The following CHRM2 variants were observed in gnomAD, a reference collection of about 807,000 sequenced individuals.
CHRM2 encodes the protein cholinergic receptor muscarinic 2, also known as muscarinic acetylcholine receptor M2.
In CHRM2, 8 loss-of-function variants were observed where a neutral mutation model predicts 25.0. The observed-to-expected ratio is 0.32, with a 90% CI of 0.19 to 0.58. The LOEUF is 0.58. CHRM2 is among the 20% of genes least tolerant of loss of function. The probability of loss-of-function intolerance (pLI) is 0.88; values close to 1 mark genes in which losing one functional copy is unlikely to be tolerated. For missense variants in CHRM2, 440 were observed against 567.1 expected, an observed-to-expected ratio of 0.78 and a Z score of 2.28; for synonymous variants, 202 against 205.7, an observed-to-expected ratio of 0.98 and a Z score of 0.15.
chr7:136,969,877 T>C (rs1267149295), intron 2 of CHRM2, among the ~76,000 whole-genome samples: 1 of 152,156 alleles, frequency 6.6e-6, no homozygotes, highest in Non-Finnish European at 1.5e-5. Flanking sequence ...ATAGACTGGG[T>C]GGTTTCAATA....
chr7:137,018,272 C>G lies in CHRM2; in HGVS notation c.*2006C>G, dbSNP rs1286149067. 1.3e-5 allele frequency: 2 copies of G among 151,730 alleles called. No individual in the cohort carries two copies. The highest frequency in any genetic ancestry group is 4.8e-5 in the African/African-American group (2 of 41,368). The allele number at this position is 151,730 out of a possible 1,614,324, so 9.4% of individuals were successfully genotyped here. A position where few individuals can be genotyped will look rare whatever the true frequency, so the allele number is the denominator to read the frequency against. ...CCAGCAGTATTTATATTTGACTTATCCTTCGTAAAAACAATTTCCTGTTTA... is the reference window on the plus strand; with the variant it reads ...CCAGCAGTATTTATATTTGACTTATGCTTCGTAAAAACAATTTCCTGTTTA... On this transcript the variant is annotated 3_prime_UTR_variant, in exon 4 of 4. Transcript: ENST00000680005.
At chr7:136,900,192 C>G (rs896125056) in intron 2 of CHRM2, among the ~76,000 whole-genome samples, 3 of 152,068 alleles carry the variant, frequency 2.0e-5, no homozygotes, top group Non-Finnish European at 2.9e-5. Flanking sequence ...GCAGGTGATA[C>G]ATTCCCCAAC....
chr7:136,981,367 AT>A (rs1802476823), intron 2 of CHRM2, among the ~76,000 whole-genome samples: 1 of 152,048 alleles, frequency 6.6e-6, no homozygotes, highest in Non-Finnish European at 1.5e-5. Context: ...CAGTTTATCT[AT>A]TTTGTTAATC....
chr7:137,005,139 T>G (rs1804336551), intron 3 of CHRM2, among the ~76,000 whole-genome samples: 1 of 152,108 alleles, frequency 6.6e-6, no homozygotes, highest in Non-Finnish European at 1.5e-5. Flanking sequence ...CATTCTAGGA[T>G]GGCTACTAGA....
At chr7:136,937,476 T>C (rs1158582338) in intron 2 of CHRM2, among the ~76,000 whole-genome samples, 1 of 132,498 alleles carries the variant, frequency 7.5e-6, no homozygotes, top group South Asian at 2.2e-4. Context: ...CATTCAACAC[T>C]TGATCGCCCT....
intron 2 of CHRM2, among the ~76,000 whole-genome samples, chr7:136,945,986 G>C (rs1419687291): frequency 6.6e-6 from 1 of 152,098 alleles, no homozygotes; most frequent in East Asian, 1.9e-4. Context: ...AAAAATAGCA[G>C]TATGTTGAAA....
chr7:136,948,824 G>C (rs149575653), intron 2 of CHRM2, among the ~76,000 whole-genome samples: 2 of 152,274 alleles, frequency 1.3e-5, no homozygotes, highest in East Asian at 1.9e-4. Flanking sequence ...CTGGTGAACA[G>C]AGAGTGAGGC....
At chr7:136,892,732 C>A (rs953455083) in intron 2 of CHRM2, among the ~76,000 whole-genome samples, 1 of 150,202 alleles carries the variant, frequency 6.7e-6, no homozygotes, top group Non-Finnish European at 1.5e-5. Flanking sequence ...TGCAGTGGCA[C>A]AATCACAGCT....
chr7:137,012,913 A>G (rs1300218038), intron 3 of CHRM2, among the ~76,000 whole-genome samples: 1 of 151,986 alleles, frequency 6.6e-6, no homozygotes, highest in East Asian at 1.9e-4. Flanking sequence ...AGTCCCACCA[A>G]AAGTATTCAA....
intron 2 of CHRM2, among the ~76,000 whole-genome samples, chr7:136,911,389 T>C (rs1797834703): frequency 6.6e-6 from 1 of 151,930 alleles, no homozygotes; most frequent in Non-Finnish European, 1.5e-5. Flanking sequence ...ATAAATTAAA[T>C]GCCATTATGT....
chr7:136,919,461 G>A (rs1405414528), intron 2 of CHRM2, among the ~76,000 whole-genome samples: 1 of 151,994 alleles, frequency 6.6e-6, no homozygotes, highest in Non-Finnish European at 1.5e-5. Context: ...TAGTTATAAG[G>A]AAGCGAATAT....
At chr7:136,952,910 G>A (rs527682127) in intron 2 of CHRM2, among the ~76,000 whole-genome samples, 9 of 152,132 alleles carry the variant, frequency 5.9e-5, no homozygotes, top group Admixed American at 2.6e-4. Flanking sequence ...ACATGATCTC[G>A]TTCTTTTTTA....
intron 2 of CHRM2, among the ~76,000 whole-genome samples, chr7:136,959,457 A>G (rs1368742870): frequency 6.6e-6 from 1 of 152,224 alleles, no homozygotes; most frequent in Non-Finnish European, 1.5e-5. Flanking sequence ...GCTCCATAAG[A>G]GTGTAAATGT....
intron 2 of CHRM2, among the ~76,000 whole-genome samples, chr7:136,928,716 A>C: frequency 6.6e-6 from 1 of 152,326 alleles, no homozygotes; most frequent in Non-Finnish European, 1.5e-5. Flanking sequence ...GCAGTGCTGC[A>C]TACTGGAAAG....
intron 3 of CHRM2, among the ~76,000 whole-genome samples, chr7:137,004,030 T>A (rs2131079427): frequency 6.6e-6 from 1 of 152,076 alleles, no homozygotes; most frequent in East Asian, 1.9e-4. Flanking sequence ...CTCATTCCTT[T>A]ATAAGTTACA....
At chr7:136,993,109 T>C (rs545545885) in intron 3 of CHRM2, among the ~76,000 whole-genome samples, 120 of 152,358 alleles carry the variant, frequency 7.9e-4, no homozygotes, top group Non-Finnish European at 1.4e-3. Flanking sequence ...ACAGTCATGA[T>C]AGATACTGAT....
chr7:136,874,328 T>C (rs781522137), intron 2 of CHRM2, among the ~76,000 whole-genome samples: 28 of 152,208 alleles, frequency 1.8e-4, no homozygotes, highest in Non-Finnish European at 3.8e-4. Context: ...ACTCTTTATA[T>C]ATCTTTGTCT....
At chr7:136,914,221 C>T (rs917189083) in intron 2 of CHRM2, 4 of 151,932 alleles carry the variant, frequency 2.6e-5, no homozygotes, top group African/African-American at 9.7e-5. Flanking sequence ...TACGCAATCA[C>T]TGAAGTGGCA....
At chr7:136,963,605 G>A (rs772160710) in intron 2 of CHRM2, among the ~76,000 whole-genome samples, 3 of 152,104 alleles carry the variant, frequency 2.0e-5, no homozygotes, top group South Asian at 2.1e-4. Flanking sequence ...TATTCAAGGC[G>A]CACGTCCCCA....
Sources: allele counts gnomAD v4.1 joint callset (sites outside exome capture counted in the v4.1 genomes callset), GRCh38; gene constraint gnomAD v4.1.1; transcripts MANE v1.5; gene names NCBI Gene and HGNC (gene_info 2026-07-23, HGNC 2026-07-21).